The following PPP1R16B variants were observed in gnomAD, a reference collection of about 807,000 sequenced individuals.
PPP1R16B encodes protein phosphatase 1 regulatory inhibitor subunit 16B.
A neutral mutation model predicts 61.7 loss-of-function variants in PPP1R16B; 14 were observed. That is an observed-to-expected ratio of 0.23 (90% CI 0.15 to 0.35). The LOEUF (loss-of-function observed/expected upper bound fraction) is 0.35. Among genes scored for constraint, PPP1R16B ranks in the 10% least tolerant of loss-of-function variants. PPP1R16B has a pLI of 1.00. For synonymous variants in PPP1R16B, 266 were observed against 305.3 expected (o/e 0.87, Z 1.34); for missense variants, 547 against 752.5 (o/e 0.73, Z 3.19).
intron 2 of PPP1R16B, among the ~76,000 whole-genome samples, chr20:38,861,362 C>T (rs1601264087): frequency 6.6e-6 from 1 of 152,194 alleles, no homozygotes; most frequent in African/African-American, 2.4e-5. Context: ...GACCCCTTCC[C>T]ACTGAGGGAG....
At chr20:38,881,846 G>A (rs531159511) in intron 2 of PPP1R16B, among the ~76,000 whole-genome samples, 4 of 152,174 alleles carry the variant, frequency 2.6e-5, no homozygotes, top group Admixed American at 1.3e-4. Flanking sequence ...TCTTCTCTCC[G>A]CTGTATATGC....
chr20:38,918,621 AGAG>A lies in PPP1R16B; in HGVS notation c.1663_1665del (p.Glu555del), dbSNP rs1244299520. 8 of 1,521,610 alleles carry A rather than the reference AGAG, an allele frequency of 5.3e-6. No individual in the cohort carries two copies. In the South Asian group the frequency reaches 9.3e-5, roughly 18 times the overall value. 94.3% of individuals were successfully genotyped at this position (1,521,610 alleles called of 1,614,324 possible). A position where few individuals can be genotyped will look rare whatever the true frequency, so the allele number is the denominator to read the frequency against. On this transcript the variant is annotated inframe_deletion, in exon 11 of 11. Transcript: ENST00000299824. The surrounding 1 kb of genome is among the most constrained non-coding windows in gnomAD (Gnocchi z 5.3). ...CACTCTTAAAGTTCAAGGCCCCCAT[AGAG>A]GAGATGGAGGAGAAGGTGCATGGCT...
At chr20:38,916,340 CAT>C (rs950875831) in intron 10 of PPP1R16B, among the ~76,000 whole-genome samples, 31 of 146,832 alleles carry the variant, frequency 2.1e-4, no homozygotes, top group Admixed American at 9.6e-4. Context: ...TATATAAATA[CAT>C]ATATATGTTA....
At chr20:38,905,438 T>C (rs1037169427) in intron 6 of PPP1R16B, among the ~76,000 whole-genome samples, 4 of 152,184 alleles carry the variant, frequency 2.6e-5, no homozygotes, top group African/African-American at 4.8e-5. Flanking sequence ...CCTCACAACA[T>C]AGTGGCTGCC....
chr20:38,845,629 G>A (rs1251206193), intron 2 of PPP1R16B, among the ~76,000 whole-genome samples: 1 of 152,160 alleles, frequency 6.6e-6, no homozygotes, highest in Admixed American at 6.6e-5. Flanking sequence ...ATGTACAAAG[G>A]ATGTGTGATG....
chr20:38,847,777 G>T (rs2084944239), intron 2 of PPP1R16B, among the ~76,000 whole-genome samples: 1 of 152,128 alleles, frequency 6.6e-6, no homozygotes, highest in Admixed American at 6.6e-5. Flanking sequence ...GACATTGGAG[G>T]GAGAGATGCC....
chr20:38,900,834 A>G, intron 5 of PPP1R16B, 150 bp downstream of exon 5: 2 of 543,526 alleles, frequency 3.7e-6, no homozygotes, highest in Non-Finnish European at 6.2e-6. Context: ...TCATATCCTT[A>G]TCTGTGTGAT....
At chr20:38,900,734 G>T in intron 5 of PPP1R16B, 50 bp downstream of exon 5, 1 of 1,403,756 alleles carries the variant, frequency 7.1e-7, no homozygotes, top group South Asian at 1.4e-5. Context: ...GAGTTGCAGA[G>T]AGCGTCCCTT....
At chr20:38,846,156 A>C (rs1263128455) in intron 2 of PPP1R16B, among the ~76,000 whole-genome samples, 1 of 152,334 alleles carries the variant, frequency 6.6e-6, no homozygotes, top group South Asian at 2.1e-4. Flanking sequence ...CCAAGTTGAC[A>C]TGTCCTTTTA....
Position 38,902,583 on chromosome 20 carries a change from GCCATGCCTC to G in PPP1R16B, c.572-82_572-74del, listed in dbSNP as rs544580790. The G allele has an allele frequency of 1.7e-3, 2,724 of 1,570,562 alleles. 4 individuals are homozygous for G. The highest frequency in any genetic ancestry group is 2.1e-3 in the Non-Finnish European group (2,441 of 1,149,686). On this transcript the variant is annotated intron_variant, in intron 5 of 10. Transcript: ENST00000299824. Reference sequence around the variant, plus strand: ...GACTGGCATATCCTAGGGAACAAGAGCCATGCCTCCCTCATCTGCCTTCCCCTGCCCTCT... The same window carrying G: ...GACTGGCATATCCTAGGGAACAAGAGCCTCATCTGCCTTCCCCTGCCCTCT...
At chr20:38,893,312 G>GC (rs1363742465) in intron 3 of PPP1R16B, among the ~76,000 whole-genome samples, 1 of 152,170 alleles carries the variant, frequency 6.6e-6, no homozygotes, top group African/African-American at 2.4e-5. Context: ...GGAGATGGGG[G>GC]CACATTAAGA....
intron 1 of PPP1R16B, among the ~76,000 whole-genome samples, chr20:38,810,301 C>T (rs2084692050): frequency 6.6e-6 from 1 of 152,168 alleles, no homozygotes; most frequent in Non-Finnish European, 1.5e-5. Flanking sequence ...AGAAGCAAGG[C>T]CAGGGAGGTA....
chr20:38,849,404 A>G (rs1345222732), intron 2 of PPP1R16B, among the ~76,000 whole-genome samples: 1 of 152,020 alleles, frequency 6.6e-6, no homozygotes, highest in Admixed American at 6.6e-5. Context: ...TCCTTTTCAT[A>G]TTCTTTTATG....
At chr20:38,917,087 A>C (rs1447510317) in intron 10 of PPP1R16B, among the ~76,000 whole-genome samples, 1 of 152,054 alleles carries the variant, frequency 6.6e-6, no homozygotes, top group Non-Finnish European at 1.5e-5. Flanking sequence ...ACTTGAGGCC[A>C]GGAGTTCAAG....
rs961009099 is a variant in PPP1R16B at position 38,826,249 on chromosome 20, G to A, written c.-101-9576G>A. ...ACACTCCCTCAAGCCTGGAGAAACT[G>A]TTTGTAATTTGACTCCCGTTTCCCC... On this transcript the variant is annotated intron_variant, in intron 1 of 10. Coordinates refer to ENST00000299824, the MANE Select transcript of PPP1R16B (RefSeq NM_015568.4). Among the ~76,000 whole-genome samples, 5 of 151,986 alleles carry A rather than the reference G, an allele frequency of 3.3e-5. No homozygotes were observed. The East Asian group carries it at 9.6e-4, about 29-fold the overall frequency.
At chr20:38,879,701 A>G (rs1373193963) in intron 2 of PPP1R16B, among the ~76,000 whole-genome samples, 3 of 152,220 alleles carry the variant, frequency 2.0e-5, no homozygotes, top group Non-Finnish European at 4.4e-5. Context: ...TTTCCTGCAT[A>G]CACCCAATGC....
At chr20:38,807,265 G>A (rs2145698895) in intron 1 of PPP1R16B, among the ~76,000 whole-genome samples, 1 of 152,352 alleles carries the variant, frequency 6.6e-6, no homozygotes, top group East Asian at 1.9e-4. Context: ...CCAGCGACTA[G>A]CTGTCTACTC....
chr20:38,872,032 G>A (rs556601444), intron 2 of PPP1R16B, among the ~76,000 whole-genome samples: 23 of 152,244 alleles, frequency 1.5e-4, no homozygotes, highest in African/African-American at 4.6e-4. Context: ...CCCCTAGCAC[G>A]TCTCAATCTG....
chr20:38,867,973 G>A (rs1375641038), intron 2 of PPP1R16B, among the ~76,000 whole-genome samples: 5 of 152,126 alleles, frequency 3.3e-5, no homozygotes, highest in African/African-American at 9.7e-5. Flanking sequence ...ACACCTGGCC[G>A]TGATTCTTTG....
Sources: allele counts gnomAD v4.1 joint callset (sites outside exome capture counted in the v4.1 genomes callset), GRCh38; gene constraint gnomAD v4.1.1; non-coding constraint Gnocchi (gnomAD v3.1); transcripts MANE v1.5; gene names NCBI Gene and HGNC (gene_info 2026-07-23, HGNC 2026-07-21).